The following LHFPL6 variants were observed in gnomAD, a reference collection of about 807,000 sequenced individuals.
LHFPL6 encodes the protein LHFPL tetraspan subfamily member 6 protein.
A neutral mutation model predicts 20.6 loss-of-function variants in LHFPL6; 9 were observed. That is an observed-to-expected ratio of 0.44 (90% CI 0.26 to 0.76). The LOEUF is 0.76. Ranked by LOEUF, LHFPL6 falls within the 30% of genes least tolerant of loss-of-function variation. The pLI, the probability that LHFPL6 is intolerant of heterozygous loss-of-function variation, is 0.20. For missense variants in LHFPL6, 218 were observed against 253.5 expected (o/e 0.86, Z 0.95); for synonymous variants, 105 against 98.7 (o/e 1.06, Z -0.38).
intron 3 of LHFPL6, among the ~76,000 whole-genome samples, chr13:39,352,103 C>A (rs1646673166): frequency 6.6e-6 from 1 of 152,212 alleles, no homozygotes; most frequent in African/African-American, 2.4e-5. Flanking sequence ...ATTCCTGAGG[C>A]AATGAAACCA....
At chr13:39,500,235 T>C (rs1029095589) in intron 2 of LHFPL6, among the ~76,000 whole-genome samples, 1 of 152,118 alleles carries the variant, frequency 6.6e-6, no homozygotes, top group African/African-American at 2.4e-5. Context: ...AGGGTCTTGC[T>C]CTGTTGCCCA....
intron 2 of LHFPL6, among the ~76,000 whole-genome samples, chr13:39,586,684 T>C (rs566225357): frequency 2.0e-5 from 3 of 152,332 alleles, no homozygotes; most frequent in Non-Finnish European, 4.4e-5. Flanking sequence ...TTTCTTTCTA[T>C]TCCCACAGCT....
intron 3 of LHFPL6, among the ~76,000 whole-genome samples, chr13:39,364,834 T>C (rs1315072722): frequency 3.3e-5 from 5 of 152,200 alleles, no homozygotes; most frequent in African/African-American, 4.8e-5. Flanking sequence ...CTTTGTCTTG[T>C]CTGGCCAGCT....
chr13:39,503,965 T>C (rs17060067), intron 2 of LHFPL6, among the ~76,000 whole-genome samples: 1 of 152,136 alleles, frequency 6.6e-6, no homozygotes, highest in Non-Finnish European at 1.5e-5. Flanking sequence ...ATAAGAAAGA[T>C]GATAACATGG....
intron 2 of LHFPL6, among the ~76,000 whole-genome samples, chr13:39,578,392 G>A (rs1004524725): frequency 2.0e-5 from 3 of 152,122 alleles, no homozygotes; most frequent in African/African-American, 7.2e-5. Context: ...TAAGAAAATC[G>A]TCTTTTGAAA....
chr13:39,554,791 CA>C (rs1871254140), intron 2 of LHFPL6, among the ~76,000 whole-genome samples: 1 of 152,188 alleles, frequency 6.6e-6, no homozygotes, highest in African/African-American at 2.4e-5. Flanking sequence ...TTTCCCTGAA[CA>C]CCTTGAATAT....
intron 2 of LHFPL6, among the ~76,000 whole-genome samples, chr13:39,450,889 A>G (rs1274022844): frequency 6.6e-6 from 1 of 152,200 alleles, no homozygotes; most frequent in African/African-American, 2.4e-5. Context: ...AGGGACCCTG[A>G]ACTGCAAAGA....
chr13:39,529,325 C>T (rs1192608407), intron 2 of LHFPL6, among the ~76,000 whole-genome samples: 1 of 152,166 alleles, frequency 6.6e-6, no homozygotes, highest in Non-Finnish European at 1.5e-5. Flanking sequence ...CTCCTGATCT[C>T]AGGTGATCCA....
At chr13:39,555,240 T>G (rs1871269573) in intron 2 of LHFPL6, among the ~76,000 whole-genome samples, 1 of 152,098 alleles carries the variant, frequency 6.6e-6, no homozygotes, top group South Asian at 2.1e-4. Flanking sequence ...CATCCTTGTC[T>G]GTCTGACATA....
intron 2 of LHFPL6, among the ~76,000 whole-genome samples, chr13:39,541,104 T>A (rs935879799): frequency 1.3e-5 from 2 of 152,192 alleles, no homozygotes; most frequent in African/African-American, 4.8e-5. Flanking sequence ...GTTTTGTTAA[T>A]GATAACCATC....
chr13:39,458,542 C>CA (rs1257738724), intron 2 of LHFPL6, among the ~76,000 whole-genome samples: 2 of 151,722 alleles, frequency 1.3e-5, no homozygotes, highest in Non-Finnish European at 2.9e-5. Context: ...ACAAAAAATA[C>CA]AAAAAAATGA....
intron 2 of LHFPL6, among the ~76,000 whole-genome samples, chr13:39,393,715 A>G (rs1314793751): frequency 6.6e-6 from 1 of 152,188 alleles, no homozygotes. Flanking sequence ...ATCACAAAAC[A>G]CCACAGACTG....
chr13:39,482,442 T>TA (rs34693664), intron 2 of LHFPL6, among the ~76,000 whole-genome samples: 118,506 of 147,290 alleles, frequency 0.8, 49,329 homozygotes, highest in Non-Finnish European at 0.92. Context: ...GACCTTATCT[T>TA]AAAAAAAAAA....
intron 2 of LHFPL6, among the ~76,000 whole-genome samples, chr13:39,585,380 T>C (rs1271023584): frequency 6.6e-6 from 1 of 152,084 alleles, no homozygotes; most frequent in Admixed American, 6.5e-5. Flanking sequence ...TTGACAAGAG[T>C]ACGTTTTGTG....
At chr13:39,496,025 C>T (rs1001772284) in intron 2 of LHFPL6, among the ~76,000 whole-genome samples, 2 of 152,028 alleles carry the variant, frequency 1.3e-5, no homozygotes, top group African/African-American at 4.8e-5. Flanking sequence ...GGGTCTGGCA[C>T]ATGGCAGGTA....
chr13:39,415,384 C>T (rs1871322463), intron 2 of LHFPL6, among the ~76,000 whole-genome samples: 1 of 151,944 alleles, frequency 6.6e-6, no homozygotes, highest in South Asian at 2.1e-4. Flanking sequence ...AATTTTTGTG[C>T]ATGTGTATGC....
At chr13:39,533,709 T>C (rs1489411462) in intron 2 of LHFPL6, among the ~76,000 whole-genome samples, 3 of 152,236 alleles carry the variant, frequency 2.0e-5, no homozygotes, top group African/African-American at 7.2e-5. Context: ...GAAGGACTCA[T>C]CTACCCTATT....
At chr13:39,583,340 T>C (rs1872348707) in intron 2 of LHFPL6, among the ~76,000 whole-genome samples, 1 of 151,886 alleles carries the variant, frequency 6.6e-6, no homozygotes, top group African/African-American at 2.4e-5. Flanking sequence ...GCCTGGATAA[T>C]TTTTATGTAT....
intron 3 of LHFPL6, among the ~76,000 whole-genome samples, chr13:39,357,021 C>A (rs12428000): frequency 0.13 from 19,809 of 151,866 alleles, 1,743 homozygotes; most frequent in African/African-American, 0.23. Context: ...AAATATAAAA[C>A]GTTATCTGGG....
Sources: gnomAD v4.1 joint callset for allele counts (sites outside exome capture counted in the v4.1 genomes callset) on GRCh38, gnomAD v4.1.1 for gene constraint, MANE v1.5 for transcripts, NCBI Gene and HGNC (gene_info 2026-07-23, HGNC 2026-07-21) for gene names.